The following COL26A1 variants were observed in gnomAD, a reference collection of about 807,000 sequenced individuals.
COL26A1 encodes collagen type XXVI alpha 1 chain, also known as collagen alpha-1(XXVI) chain.
A neutral mutation model predicts 59.3 loss-of-function variants in COL26A1; 41 were observed. That is an observed-to-expected ratio of 0.69 (90% CI 0.54 to 0.90). The LOEUF (loss-of-function observed/expected upper bound fraction) is 0.90. Among genes scored for constraint, COL26A1 ranks in the 40% least tolerant of loss-of-function variants. COL26A1 has a pLI of 0.00. For synonymous variants in COL26A1, 266 were observed against 256.0 expected, an observed-to-expected ratio of 1.04 and a Z score of -0.37; for missense variants, 612 against 602.3, an observed-to-expected ratio of 1.02 and a Z score of -0.17.
chr7:101,437,741 AT>A (rs1301445389), intron 2 of COL26A1, among the ~76,000 whole-genome samples: 2,212 of 139,018 alleles, frequency 0.016, 17 homozygotes, highest in Non-Finnish European at 0.021. Context: ...CACCCCACTA[AT>A]TTTTTTTTTT....
rs199893018 is a variant in COL26A1, at chr7:101,539,952, C to T, written c.507C>T (p.Pro169=). 2.9e-5 allele frequency: 46 copies of T among 1,613,634 alleles called. No homozygotes were observed. Among genetic ancestry groups the T allele is most frequent in the Middle Eastern group, 1.6e-4 (1 of 6,084 alleles). ...PSSPDNDLPA[P]ESTPPTWNED... ...GCCCGGACAACGACCTGCCAGCCCC[C>T]GAGAGCACTCCGCCGACCTGGAATG... Residue 169 remains proline (P), a synonymous_variant, in exon 5 of 13, where the codon CCC becomes CCT. Transcript: ENST00000313669.
chr7:101,408,579 T>A (rs1232126649), intron 1 of COL26A1, among the ~76,000 whole-genome samples: 1 of 152,172 alleles, frequency 6.6e-6, no homozygotes, highest in Non-Finnish European at 1.5e-5. Flanking sequence ...ACAAGGTGTG[T>A]TCCTGATGCT....
At chr7:101,491,367 C>T (rs1794456965) in intron 3 of COL26A1, among the ~76,000 whole-genome samples, 2 of 152,086 alleles carry the variant, frequency 1.3e-5, no homozygotes. Flanking sequence ...CCATTGGTGG[C>T]CATCCCAAAT....
chr7:101,438,013 T>C lies in COL26A1; in HGVS notation c.282-9671T>C, dbSNP rs181640606. On this transcript the variant is annotated intron_variant, in intron 2 of 12. Coordinates refer to ENST00000313669, the MANE Select transcript of COL26A1 (RefSeq NM_001278563.3). ...CAGGCATGAGCCACTGTGCCTGGCCTTGTCCTGAGATTGAAGAAAAGCTAG... is the reference window on the plus strand; with the variant it reads ...CAGGCATGAGCCACTGTGCCTGGCCCTGTCCTGAGATTGAAGAAAAGCTAG... Among the ~76,000 whole-genome samples, 23 of 143,902 alleles carry C rather than the reference T, an allele frequency of 1.6e-4. 1 individual carries two copies. The East Asian group carries it at 4.5e-3, about 28-fold the overall frequency. 94.4% of individuals were successfully genotyped at this position (143,902 alleles called of 152,430 possible).
chr7:101,484,860 A>ATTAG (rs1409005444), intron 3 of COL26A1, among the ~76,000 whole-genome samples: 1 of 149,870 alleles, frequency 6.7e-6, no homozygotes, highest in African/African-American at 2.5e-5. Flanking sequence ...TAATTAATTA[A>ATTAG]TTAATTTTTT....
At chr7:101,400,850 C>T (rs976425153) in intron 1 of COL26A1, among the ~76,000 whole-genome samples, 6 of 152,126 alleles carry the variant, frequency 3.9e-5, no homozygotes, top group Non-Finnish European at 8.8e-5. Context: ...TGAGCCACTG[C>T]GCCCGACCCA....
At chr7:101,409,178 T>C (rs1438930949) in intron 1 of COL26A1, among the ~76,000 whole-genome samples, 2 of 152,216 alleles carry the variant, frequency 1.3e-5, no homozygotes, top group Non-Finnish European at 2.9e-5. Context: ...GGCTGGGGTC[T>C]GAACCACACT....
intron 3 of COL26A1, among the ~76,000 whole-genome samples, chr7:101,481,466 A>G (rs1794154145): frequency 6.7e-6 from 1 of 149,478 alleles, no homozygotes; most frequent in African/African-American, 2.4e-5. Flanking sequence ...ATATATATAT[A>G]TAATTGAAAC....
intron 3 of COL26A1, among the ~76,000 whole-genome samples, chr7:101,454,718 T>C (rs35533212): frequency 0.33 from 50,362 of 152,040 alleles, 9,034 homozygotes; most frequent in Middle Eastern, 0.41. Flanking sequence ...GGAGAAAATA[T>C]GTGTGTTAGA....
At chr7:101,398,684 C>T (rs1791921125) in intron 1 of COL26A1, among the ~76,000 whole-genome samples, 3 of 152,194 alleles carry the variant, frequency 2.0e-5, no homozygotes, top group Admixed American at 1.3e-4. Context: ...AGCCCTGCTT[C>T]CTTGTCTGTA....
chr7:101,450,057 C>T (rs1189928674), intron 3 of COL26A1, among the ~76,000 whole-genome samples: 3 of 148,270 alleles, frequency 2.0e-5, no homozygotes, highest in Non-Finnish European at 3.0e-5. Context: ...CCAGGAGGCA[C>T]AGATTGCAAT....
At chr7:101,540,688 T>C (rs1160661315) in intron 5 of COL26A1, among the ~76,000 whole-genome samples, 4 of 151,534 alleles carry the variant, frequency 2.6e-5, no homozygotes, top group Non-Finnish European at 4.4e-5. Context: ...CCCCCATTTC[T>C]ACTGAAAATA....
intron 2 of COL26A1, among the ~76,000 whole-genome samples, chr7:101,433,055 G>C (rs773202000): frequency 3.3e-5 from 5 of 152,132 alleles, no homozygotes; most frequent in Non-Finnish European, 5.9e-5. Flanking sequence ...GGACGTGGTG[G>C]CTCACTCCTG....
intron 1 of COL26A1, among the ~76,000 whole-genome samples, chr7:101,375,643 C>T (rs978441991): frequency 6.6e-6 from 1 of 150,782 alleles, no homozygotes; most frequent in African/African-American, 2.4e-5. Context: ...AGTGTGAGAC[C>T]AGCCTGGGCA....
At chr7:101,407,245 G>A (rs1227180585) in intron 1 of COL26A1, among the ~76,000 whole-genome samples, 2 of 152,154 alleles carry the variant, frequency 1.3e-5, no homozygotes, top group African/African-American at 2.4e-5. Context: ...GGCCATGAGA[G>A]CAAGTCTGGT....
In COL26A1 at chr7:101,475,914, CTCTCTTTCTT is replaced by C. The variant is rs1341759071; in HGVS notation, c.385+28133_385+28142del. Among the ~76,000 whole-genome samples, 235 of 148,026 alleles carry C rather than the reference CTCTCTTTCTT, an allele frequency of 1.6e-3. 4 individuals carry two copies. Among genetic ancestry groups the C allele is most frequent in the African/African-American group, 5.4e-3 (213 of 39,374 alleles). ...TTTCTTTCTCTCTCTTTCTCTCTCT[CTCTCTTTCTT>C]TCTCTCTCTCTTTCTTTCTTCTTTC... On this transcript the variant is annotated intron_variant, in intron 3 of 12. Coordinates refer to ENST00000313669, the MANE Select transcript of COL26A1 (RefSeq NM_001278563.3).
chr7:101,362,934 T>C lies in COL26A1; in HGVS notation c.-99T>C. ...CGACCGCTCGCCCCGCTCCTCTCGCTGTGCTCCCGGCCGGTGCCGCGGGTT... is the reference window on the plus strand; with the variant it reads ...CGACCGCTCGCCCCGCTCCTCTCGCCGTGCTCCCGGCCGGTGCCGCGGGTT... On this transcript the variant is annotated 5_prime_UTR_variant, in exon 1 of 13. Coordinates refer to ENST00000313669, the MANE Select transcript of COL26A1 (RefSeq NM_001278563.3). 7.8e-7 allele frequency: 1 copy of C among 1,276,234 alleles called. No homozygotes were observed. Among genetic ancestry groups the C allele is most frequent in the Non-Finnish European group, 1.0e-6 (1 of 960,526 alleles). 79.1% of individuals were successfully genotyped at this position (1,276,234 alleles called of 1,614,324 possible). A position where few individuals can be genotyped will look rare whatever the true frequency, so the allele number is the denominator to read the frequency against.
chr7:101,402,612 TCTC>T (rs760865133), intron 1 of COL26A1, among the ~76,000 whole-genome samples: 4 of 148,256 alleles, frequency 2.7e-5, no homozygotes, highest in Non-Finnish European at 5.9e-5. Context: ...TTTCCTTTCT[TCTC>T]TTTCTCTTTC....
At chr7:101,491,109 C>T (rs1794449797) in intron 3 of COL26A1, among the ~76,000 whole-genome samples, 1 of 151,712 alleles carries the variant, frequency 6.6e-6, no homozygotes, top group Admixed American at 6.6e-5. Context: ...TTACCTTAAG[C>T]CCTGTGAGCC....
Sources: allele counts gnomAD v4.1 joint callset (sites outside exome capture counted in the v4.1 genomes callset), GRCh38; gene constraint gnomAD v4.1.1; transcripts MANE v1.5; gene names NCBI Gene and HGNC (gene_info 2026-07-23, HGNC 2026-07-21).